Variants in ABCE1 observed in about 807,000 individuals in gnomAD.
ABCE1 encodes the protein ATP-binding cassette sub-family E member 1.
Under a neutral mutation model 83.4 loss-of-function variants are expected in ABCE1, and 22 were observed. That is an observed-to-expected ratio of 0.26 (90% CI 0.19 to 0.38). The LOEUF is 0.38. Ranked by LOEUF, ABCE1 falls within the 10% of genes least tolerant of loss-of-function variation. The probability of loss-of-function intolerance (pLI) is 1.00; values close to 1 mark genes in which losing one functional copy is unlikely to be tolerated. For synonymous variants in ABCE1, 204 were observed against 233.7 expected, an observed-to-expected ratio of 0.87 and a Z score of 1.16; for missense variants, 330 against 721.9, an observed-to-expected ratio of 0.46 and a Z score of 6.22.
chr4:145,117,443 C>A lies in ABCE1; in HGVS notation c.922+29C>A, dbSNP rs997637855. ...ACTTGAAAAACTTTTTTCACATATG[C>A]TGTATTCTCTTCTACTCTAATGCTT... On this transcript the variant is annotated intron_variant, in intron 10 of 17. Transcript: ENST00000296577. 8 of 1,603,528 alleles carry A rather than the reference C, an allele frequency of 5.0e-6. No homozygotes were observed. The African/African-American group carries it at 1.1e-4, about 22-fold the overall frequency.
intron 3 of ABCE1, 104 bp from the exon 4 acceptor site, chr4:145,107,911 A>G: frequency 3.5e-6 from 3 of 848,192 alleles, no homozygotes; most frequent in East Asian, 2.7e-5. Context: ...TCTTTATGAA[A>G]TCATGTTTAG....
intron 13 of ABCE1, chr4:145,122,284 C>T (rs1189689098): frequency 6.6e-6 from 1 of 152,140 alleles, no homozygotes. Context: ...ATAAGCTTAG[C>T]TTTAAATTCT....
At chr4:145,126,478 A>G (rs1369723410) in intron 17 of ABCE1, among the ~76,000 whole-genome samples, 2 of 151,888 alleles carry the variant, frequency 1.3e-5, no homozygotes, top group Admixed American at 1.3e-4. Flanking sequence ...TATTTTTTTG[A>G]TAGAGATGGG....
intron 15 of ABCE1, 55 bp from the exon 16 acceptor site, chr4:145,123,421 AAC>A (rs1287836020): frequency 1.2e-5 from 19 of 1,588,876 alleles, no homozygotes; most frequent in Non-Finnish European, 1.6e-5. Flanking sequence ...TGCTTAATAT[AAC>A]AGTCGAATGT....
chr4:145,108,213 A>G (rs1223788981), intron 4 of ABCE1, 101 bp downstream of exon 4: 3 of 970,696 alleles, frequency 3.1e-6, no homozygotes, highest in Non-Finnish European at 4.8e-6. Context: ...GCTATTAACC[A>G]GTCACTAAAG....
At chr4:145,120,735 T>C (rs1256998084) in intron 11 of ABCE1, among the ~76,000 whole-genome samples, 1 of 152,110 alleles carries the variant, frequency 6.6e-6, no homozygotes, top group Non-Finnish European at 1.5e-5. Context: ...TATATAAAGA[T>C]TGTTACAATG....
At chr4:145,115,810 T>C (rs1442204025) in intron 9 of ABCE1, among the ~76,000 whole-genome samples, 1 of 151,970 alleles carries the variant, frequency 6.6e-6, no homozygotes, top group East Asian at 1.9e-4. Flanking sequence ...TAGTTCATAC[T>C]CTTCATTTTG....
chr4:145,107,967 TATGTC>T, intron 3 of ABCE1, 43 bp from the exon 4 acceptor site: 1 of 1,438,062 alleles, frequency 7.0e-7, no homozygotes, highest in Non-Finnish European at 9.6e-7. Context: ...GTTATGTGTA[TATGTC>T]TACAAATTAA....
chr4:145,117,682 C>T (rs995369202), intron 10 of ABCE1, among the ~76,000 whole-genome samples: 1 of 142,896 alleles, frequency 7.0e-6, no homozygotes, highest in Non-Finnish European at 1.6e-5. Context: ...TAAAAGTCCT[C>T]TGCATTTTGG....
At position 145,129,469 on chromosome 4, in the gene ABCE1, A is replaced by C. The variant is rs928868013; in HGVS notation, c.*1896A>C. Among the ~76,000 whole-genome samples, 1 of 152,174 alleles carries C rather than the reference A, an allele frequency of 6.6e-6. No individual in the cohort carries two copies. Among genetic ancestry groups the C allele is most frequent in the African/African-American group, 2.4e-5 (1 of 41,442 alleles). ...AAAAACTGGAACAGTTTATTATACT[A>C]CCATTTTTGTGAAAATATACAAAAT... On this transcript the variant is annotated 3_prime_UTR_variant, in exon 18 of 18. Coordinates refer to ENST00000296577, the MANE Select transcript of ABCE1 (RefSeq NM_002940.3).
In ABCE1 at chr4:145,129,242, A is replaced by C. The variant is rs1749975329; in HGVS notation, c.*1669A>C. The C allele has an allele frequency of 6.6e-6, 1 of 152,246 alleles. No homozygotes were observed. The highest frequency in any genetic ancestry group is 1.5e-5 in the Non-Finnish European group (1 of 68,028). 9.4% of individuals were successfully genotyped at this position (152,246 alleles called of 1,614,324 possible). A position where few individuals can be genotyped will look rare whatever the true frequency, so the allele number is the denominator to read the frequency against. On this transcript the variant is annotated 3_prime_UTR_variant, in exon 18 of 18. Transcript: ENST00000296577. ...AGTTCTACTTACTGCTAATGACAGA[A>C]TATGTATTAAACGTATTTTCATGTA...
rs1749979911 is a variant in ABCE1, at chr4:145,129,393, GACT to G, written c.*1824_*1826del. ...AATGCAGATGTTAGCAAAAGAATGAGACTACTTCATATGTCCTAATTGGAAAAA... is the reference window on the plus strand; with the variant it reads ...AATGCAGATGTTAGCAAAAGAATGAGACTTCATATGTCCTAATTGGAAAAA... On this transcript the variant is annotated 3_prime_UTR_variant, in exon 18 of 18. Transcript: ENST00000296577. 2.0e-5 allele frequency among the ~76,000 whole-genome samples: 3 copies of G among 151,694 alleles called. No homozygotes were observed. Among genetic ancestry groups the G allele is most frequent in the African/African-American group, 7.3e-5 (3 of 41,246 alleles).
intron 2 of ABCE1, 47 bp downstream of exon 2, chr4:145,104,562 G>A (rs764226344): frequency 3.8e-5 from 47 of 1,249,480 alleles, no homozygotes; most frequent in Non-Finnish European, 4.7e-5. Flanking sequence ...AACCATGAAA[G>A]AAATCAACTG....
chr4:145,110,353 T>C, intron 6 of ABCE1, 22 bp from the exon 7 acceptor site: 8 of 1,607,492 alleles, frequency 5.0e-6, no homozygotes, highest in African/African-American at 1.3e-5. Flanking sequence ...AAATAGTAAC[T>C]GTTTTTGGTA....
At chr4:145,125,259 C>T (rs1257626533) in intron 17 of ABCE1, among the ~76,000 whole-genome samples, 158 bp downstream of exon 17, 1 of 152,004 alleles carries the variant, frequency 6.6e-6, no homozygotes, top group African/African-American at 2.4e-5. Context: ...CTTGAGGTCA[C>T]GAGTTTGAGA....
At chr4:145,107,142 T>C (rs985727300) in intron 3 of ABCE1, among the ~76,000 whole-genome samples, 3 of 152,174 alleles carry the variant, frequency 2.0e-5, no homozygotes, top group Admixed American at 2.0e-4. Flanking sequence ...TTGAATGTTA[T>C]TTGAATAAGC....
intron 16 of ABCE1, 175 bp downstream of exon 16, chr4:145,123,775 T>G (rs1045391529): frequency 7.7e-6 from 4 of 516,506 alleles, no homozygotes; most frequent in African/African-American, 5.7e-5. Context: ...GAGTAGTGTT[T>G]AGGCTTCAGT....
At chr4:145,121,603 G>C in intron 13 of ABCE1, 1 of 461,278 alleles carries the variant, frequency 2.2e-6, no homozygotes, top group Non-Finnish European at 3.9e-6. Flanking sequence ...GCCGGGTGCA[G>C]TAGCTCACGC....
intron 13 of ABCE1, chr4:145,122,576 G>T (rs1749773491): frequency 6.5e-6 from 1 of 152,824 alleles, no homozygotes; most frequent in Admixed American, 6.5e-5. Flanking sequence ...CCAGCACTTT[G>T]GGAGGCTGAG....
Sources: allele counts gnomAD v4.1 joint callset (sites outside exome capture counted in the v4.1 genomes callset), GRCh38; gene constraint gnomAD v4.1.1; transcripts MANE v1.5; gene names NCBI Gene and HGNC (gene_info 2026-07-23, HGNC 2026-07-21).